The following RGS6 variants were observed in gnomAD, a reference collection of about 807,000 sequenced individuals.
RGS6 encodes regulator of G protein signaling 6.
RGS6 carries 30 observed loss-of-function variants against 78.5 expected under a neutral mutation model. That is an observed-to-expected ratio of 0.38 (90% CI 0.29 to 0.52). RGS6 has a LOEUF of 0.52. Ranked by LOEUF, RGS6 falls within the 20% of genes least tolerant of loss-of-function variation. RGS6 has a pLI of 0.85. For missense variants in RGS6, 495 were observed against 609.7 expected (o/e 0.81, Z 1.98); for synonymous variants, 206 against 206.0 (o/e 1.00, Z 0.00).
At chr14:72,476,715 A>T (rs2096250246) in intron 10 of RGS6, 27 bp from the exon 11 acceptor site, 2 of 1,605,472 alleles carry the variant, frequency 1.2e-6, no homozygotes, top group Non-Finnish European at 1.7e-6. Context: ...TGGGTGGATG[A>T]TCCTCTGTGC....
chr14:72,399,923 G>C (rs1419647310), intron 3 of RGS6, among the ~76,000 whole-genome samples: 1 of 152,176 alleles, frequency 6.6e-6, no homozygotes, highest in Non-Finnish European at 1.5e-5. Flanking sequence ...TGATGTACCT[G>C]AAAGTGACTG....
the RGS6 span, among the ~76,000 whole-genome samples, chr14:72,573,697 C>T: frequency 2.6e-5 from 4 of 152,278 alleles, no homozygotes; most frequent in East Asian, 5.8e-4. Flanking sequence ...CTGACTGCGG[C>T]CAGAATTTCT....
chr14:72,331,099 G>C (rs1000669997), intron 2 of RGS6, among the ~76,000 whole-genome samples: 6 of 152,176 alleles, frequency 3.9e-5, no homozygotes, highest in Non-Finnish European at 5.9e-5. Flanking sequence ...CCAGGATTCT[G>C]TTAGACACAG....
intron 2 of RGS6, among the ~76,000 whole-genome samples, chr14:72,097,671 C>T (rs1021981084): frequency 2.0e-5 from 3 of 152,112 alleles, no homozygotes; most frequent in African/African-American, 7.2e-5. Flanking sequence ...CCTGGAACAC[C>T]CTTCCTCCCC....
At chr14:72,438,456 C>A (rs1223998414) in intron 3 of RGS6, among the ~76,000 whole-genome samples, 1 of 152,192 alleles carries the variant, frequency 6.6e-6, no homozygotes, top group Non-Finnish European at 1.5e-5. Flanking sequence ...TCCTACAGAC[C>A]TCAGGCGAAA....
At chr14:72,472,979 A>T in intron 9 of RGS6, 26 bp downstream of exon 9, 2 of 1,532,858 alleles carry the variant, frequency 1.3e-6, no homozygotes, top group Non-Finnish European at 1.8e-6. Context: ...TCAATTCTCT[A>T]GATTTTTTTT....
chr14:72,005,545 A>G (rs2084386367), intron 2 of RGS6, among the ~76,000 whole-genome samples: 1 of 152,104 alleles, frequency 6.6e-6, no homozygotes, highest in African/African-American at 2.4e-5. Context: ...ATTTGAGGTC[A>G]CGGGTGATTT....
the RGS6 span, among the ~76,000 whole-genome samples, chr14:72,624,895 TG>T: frequency 6.6e-6 from 1 of 152,244 alleles, no homozygotes; most frequent in South Asian, 2.1e-4. Flanking sequence ...GTGCCCTTCT[TG>T]GCGCATCATA....
At chr14:72,430,664 C>A (rs1239774132) in intron 3 of RGS6, among the ~76,000 whole-genome samples, 1 of 152,162 alleles carries the variant, frequency 6.6e-6, no homozygotes, top group Admixed American at 6.5e-5. Flanking sequence ...CACCTGCAGG[C>A]TTTTGGGTTT....
At chr14:72,152,446 A>G (rs1266676452) in intron 2 of RGS6, among the ~76,000 whole-genome samples, 1 of 152,156 alleles carries the variant, frequency 6.6e-6, no homozygotes, top group Non-Finnish European at 1.5e-5. Context: ...CAGCTGCCAT[A>G]TTTTGAGGAT....
At chr14:72,401,782 C>G (rs2092431068) in intron 3 of RGS6, among the ~76,000 whole-genome samples, 1 of 152,174 alleles carries the variant, frequency 6.6e-6, no homozygotes, top group Admixed American at 6.5e-5. Context: ...TTCAGATAGG[C>G]TAACACTCAG....
chr14:72,537,106 C>A (rs549826796), intron 16 of RGS6, among the ~76,000 whole-genome samples: 17 of 152,316 alleles, frequency 1.1e-4, no homozygotes, highest in Non-Finnish European at 2.1e-4. Context: ...ACCCTCTGTG[C>A]TTTTCAGCTC....
intron 2 of RGS6, among the ~76,000 whole-genome samples, chr14:72,092,085 G>A (rs2095287448): frequency 6.6e-6 from 1 of 151,996 alleles, no homozygotes; most frequent in African/African-American, 2.4e-5. Context: ...GAGTGTGAAG[G>A]TGCCATCTCG....
chr14:72,237,350 T>G (rs554322761), intron 2 of RGS6, among the ~76,000 whole-genome samples: 122 of 152,330 alleles, frequency 8.0e-4, no homozygotes, highest in Non-Finnish European at 1.6e-3. Context: ...AGCTTTCTGA[T>G]TACTTTTGAA....
intron 2 of RGS6, among the ~76,000 whole-genome samples, chr14:72,286,462 T>C (rs1156349967): frequency 6.6e-6 from 1 of 152,184 alleles, no homozygotes; most frequent in Non-Finnish European, 1.5e-5. Flanking sequence ...ATTTTTGTTC[T>C]TCTTTCTCAA....
chr14:71,917,580 T>C, the RGS6 span, among the ~76,000 whole-genome samples: 1 of 152,284 alleles, frequency 6.6e-6, no homozygotes, highest in Admixed American at 6.5e-5. Flanking sequence ...CAGCTTAGGC[T>C]GCAGCCCTGC....
At chr14:72,231,318 G>C (rs191865536) in intron 2 of RGS6, among the ~76,000 whole-genome samples, 1 of 152,206 alleles carries the variant, frequency 6.6e-6, no homozygotes, top group Non-Finnish European at 1.5e-5. Flanking sequence ...TAATTGTCAA[G>C]GAACTGACAC....
rs374554801 is a variant in RGS6 at position 72,555,784 on chromosome 14, T to TAA, written c.1423-6632_1423-6631dup. 6.0e-4 allele frequency among the ~76,000 whole-genome samples: 92 copies of TAA among 152,244 alleles called. 3 individuals are homozygous for TAA. The highest frequency in any genetic ancestry group is 2.2e-3 in the African/African-American group (91 of 41,562). On this transcript the variant is annotated intron_variant, in intron 17 of 17. Coordinates refer to ENST00000553525, the MANE Select transcript of RGS6 (RefSeq NM_001204424.2). ...CTAACTGGCAAGCATGTTGTGGACA[T>TAA]AAGTAAGTGCGGGTGCTTGTAAAAT...
rs573815971 is a variant in RGS6, at chr14:72,110,533, C to T, written c.84+145658C>T. ...TAATGGTCTTGTAGGAGGGAGGCAG[C>T]GACATCTCTCTCCCTGCCTTCTTCC... On this transcript the variant is annotated intron_variant, in intron 2 of 17. Coordinates refer to ENST00000553525, the MANE Select transcript of RGS6 (RefSeq NM_001204424.2). Among the ~76,000 whole-genome samples the T allele has an allele frequency of 7.2e-5, 11 of 152,278 alleles. No homozygotes were observed. In the East Asian group the frequency reaches 1.5e-3, roughly 21 times the overall value.
Sources: gnomAD v4.1 joint callset for allele counts (sites outside exome capture counted in the v4.1 genomes callset) on GRCh38, gnomAD v4.1.1 for gene constraint, MANE v1.5 for transcripts, NCBI Gene and HGNC (gene_info 2026-07-23, HGNC 2026-07-21) for gene names.